Variants in L3MBTL4 observed in about 807,000 individuals in gnomAD.
L3MBTL4 encodes the protein lethal(3)malignant brain tumor-like protein 4.
L3MBTL4 carries 70 observed loss-of-function variants against 84.5 expected under a neutral mutation model. The observed-to-expected ratio is 0.83, with a 90% CI of 0.68 to 1.01. The LOEUF (loss-of-function observed/expected upper bound fraction) is 1.01. Among genes scored for constraint, L3MBTL4 ranks in the 50% least tolerant of loss-of-function variants. The pLI is 0.00. For missense variants in L3MBTL4, 715 were observed against 754.8 expected (o/e 0.95, Z 0.62); for synonymous variants, 274 against 259.8 (o/e 1.05, Z -0.52).
chr18:6,340,212 T>C (rs1278269555), intron 1 of L3MBTL4, among the ~76,000 whole-genome samples: 1 of 152,148 alleles, frequency 6.6e-6, no homozygotes, highest in East Asian at 1.9e-4. Context: ...CCAGCCCTCA[T>C]ACTGCCACAA....
intron 14 of L3MBTL4, among the ~76,000 whole-genome samples, chr18:6,116,794 T>C (rs1466057101): frequency 6.6e-6 from 1 of 152,240 alleles, no homozygotes; most frequent in Non-Finnish European, 1.5e-5. Context: ...AACATAATTA[T>C]AAAGCAAATA....
At chr18:6,103,457 A>G (rs1309485962) in intron 14 of L3MBTL4, among the ~76,000 whole-genome samples, 1 of 152,226 alleles carries the variant, frequency 6.6e-6, no homozygotes, top group Non-Finnish European at 1.5e-5. Context: ...TTTTAAAAAA[A>G]TGCATTGTTT....
intron 16 of L3MBTL4, among the ~76,000 whole-genome samples, chr18:6,050,694 G>A (rs1304064913): frequency 1.3e-5 from 2 of 151,830 alleles, no homozygotes; most frequent in African/African-American, 4.9e-5. Flanking sequence ...TATGACTTCC[G>A]TTTTTTAATG....
chr18:6,148,360 T>C (rs1390696490), intron 13 of L3MBTL4, among the ~76,000 whole-genome samples: 1 of 152,220 alleles, frequency 6.6e-6, no homozygotes, highest in Non-Finnish European at 1.5e-5. Flanking sequence ...GAGAATGACC[T>C]TTTTGTTGAT....
chr18:6,002,166 T>A (rs1223014595), intron 16 of L3MBTL4, among the ~76,000 whole-genome samples: 1 of 151,854 alleles, frequency 6.6e-6, no homozygotes, highest in Non-Finnish European at 1.5e-5. Flanking sequence ...AAGAAAAAAA[T>A]AAAATCATCA....
chr18:6,240,283 GCT>G (rs2047399642), intron 8 of L3MBTL4, among the ~76,000 whole-genome samples: 1 of 151,906 alleles, frequency 6.6e-6, no homozygotes, highest in Admixed American at 6.6e-5. Flanking sequence ...GTGAAGATAT[GCT>G]CTAATTAGCA....
intron 4 of L3MBTL4, among the ~76,000 whole-genome samples, chr18:6,299,963 C>T (rs544969267): frequency 1.9e-4 from 29 of 152,256 alleles, no homozygotes; most frequent in African/African-American, 6.0e-4. Flanking sequence ...TGAGCCACCA[C>T]GCCTGACCTA....
At chr18:6,137,777 A>G (rs372493490) in intron 14 of L3MBTL4, among the ~76,000 whole-genome samples, 1 of 152,208 alleles carries the variant, frequency 6.6e-6, no homozygotes, top group East Asian at 1.9e-4. Flanking sequence ...CTAGTTTTCT[A>G]TTCTTTTATA....
At chr18:6,220,227 T>C (rs2046494523) in intron 10 of L3MBTL4, among the ~76,000 whole-genome samples, 2 of 152,020 alleles carry the variant, frequency 1.3e-5, no homozygotes, top group African/African-American at 2.4e-5. Context: ...TTCTCTACCA[T>C]GTCATTCCAA....
chr18:6,028,718 G>A (rs1310430432), intron 16 of L3MBTL4, among the ~76,000 whole-genome samples: 2 of 152,180 alleles, frequency 1.3e-5, no homozygotes, highest in African/African-American at 4.8e-5. Flanking sequence ...TCCTTGAGCA[G>A]TGGTTTGTAG....
At chr18:6,038,261 T>C (rs2056231962) in intron 16 of L3MBTL4, among the ~76,000 whole-genome samples, 1 of 145,844 alleles carries the variant, frequency 6.9e-6, no homozygotes, top group Non-Finnish European at 1.5e-5. Flanking sequence ...CTTTTTTTTT[T>C]TTTTTTTTTT....
chr18:6,237,788 C>A (rs553921770), intron 10 of L3MBTL4, among the ~76,000 whole-genome samples, 176 bp downstream of exon 10: 29 of 152,184 alleles, frequency 1.9e-4, no homozygotes, highest in African/African-American at 6.3e-4. Context: ...AGTTCGTCTT[C>A]ATTATGGGTA....
At chr18:6,081,230 A>C (rs1028873746) in intron 15 of L3MBTL4, 1 of 274,842 alleles carries the variant, frequency 3.6e-6, no homozygotes, top group Non-Finnish European at 6.8e-6. Context: ...TAATCTCTTC[A>C]GATTCTAAGG....
chr18:6,392,915 C>G (rs1162295785), intron 1 of L3MBTL4, among the ~76,000 whole-genome samples: 1 of 152,034 alleles, frequency 6.6e-6, no homozygotes, highest in Non-Finnish European at 1.5e-5. Context: ...ACTTTGGAGA[C>G]TCAGAAGTGG....
intron 13 of L3MBTL4, among the ~76,000 whole-genome samples, chr18:6,166,652 C>T (rs1228575523): frequency 7.9e-5 from 12 of 151,958 alleles, no homozygotes; most frequent in Admixed American, 7.9e-4. Flanking sequence ...CACAACATAC[C>T]AGAATCTCTG....
intron 16 of L3MBTL4, among the ~76,000 whole-genome samples, chr18:6,037,645 C>A (rs1350207234): frequency 6.6e-6 from 1 of 152,238 alleles, no homozygotes; most frequent in Non-Finnish European, 1.5e-5. Flanking sequence ...AGCTTCACAT[C>A]TACTAACAGG....
Position 6,138,146 on chromosome 18 carries a change from G to A in L3MBTL4, c.1199+48C>T, listed in dbSNP as rs769371138. On this transcript the variant is annotated intron_variant, in intron 14 of 18. Transcript: ENST00000317931. Reference sequence around the variant, plus strand: ...TGCTCCATGTAGCTGCTAATCTGCAGAATGTTTCCATTCATCCAGGAAATA... The same window carrying A: ...TGCTCCATGTAGCTGCTAATCTGCAAAATGTTTCCATTCATCCAGGAAATA... 25 of 1,307,620 alleles carry A rather than the reference G, an allele frequency of 1.9e-5. No individual in the cohort carries two copies. In the Admixed American group the frequency reaches 3.6e-4, roughly 19 times the overall value. The allele number at this position is 1,307,620 out of a possible 1,614,324, so 81.0% of individuals were successfully genotyped here. A position where few individuals can be genotyped will look rare whatever the true frequency, so the allele number is the denominator to read the frequency against.
intron 4 of L3MBTL4, 70 bp from the exon 5 acceptor site, chr18:6,264,108 A>G: frequency 1.7e-6 from 2 of 1,155,514 alleles, no homozygotes; most frequent in Non-Finnish European, 2.6e-6. Context: ...CTTACTTGAC[A>G]ATAAACTCAA....
At chr18:6,326,244 CA>C (rs533722499) in intron 1 of L3MBTL4, among the ~76,000 whole-genome samples, 1 of 151,842 alleles carries the variant, frequency 6.6e-6, no homozygotes, top group Admixed American at 6.6e-5. Flanking sequence ...CTCTCTTAAG[CA>C]AAAAAGGTGT....
Sources: allele counts gnomAD v4.1 joint callset (sites outside exome capture counted in the v4.1 genomes callset), GRCh38; gene constraint gnomAD v4.1.1; transcripts MANE v1.5; gene names NCBI Gene and HGNC (gene_info 2026-07-23, HGNC 2026-07-21).